PRELID2: variants seen among roughly 807,000 people sequenced by gnomAD.
PRELID2 encodes the protein PRELI domain containing 2, also known as PRELI domain-containing protein 2.
PRELID2 carries 25 observed loss-of-function variants against 28.4 expected under a neutral mutation model. That is an observed-to-expected ratio of 0.88 (90% confidence interval 0.64 to 1.23). PRELID2 has a LOEUF of 1.23. PRELID2 is among the 50% of genes most tolerant of loss of function. PRELID2 has a pLI of 0.00. For missense variants in PRELID2, 201 were observed against 214.4 expected (o/e 0.94, Z 0.39); for synonymous variants, 76 against 71.6 (o/e 1.06, Z -0.31).
At chr5:145,498,565 T>C (rs1206928135) in intron 1 of PRELID2, among the ~76,000 whole-genome samples, 1 of 152,140 alleles carries the variant, frequency 6.6e-6, no homozygotes, top group Non-Finnish European at 1.5e-5. Context: ...AGTCTCACTC[T>C]GTTGCCTAGG....
At chr5:145,447,493 T>G in the PRELID2 span, among the ~76,000 whole-genome samples, 7 of 148,034 alleles carry the variant, frequency 4.7e-5, no homozygotes, top group Non-Finnish European at 1.5e-5. Flanking sequence ...TATTATACTT[T>G]AAGTTTTAGG....
the PRELID2 span, among the ~76,000 whole-genome samples, chr5:145,265,618 G>C: frequency 6.6e-6 from 1 of 152,122 alleles, no homozygotes; most frequent in African/African-American, 2.4e-5. Flanking sequence ...TATAAAAATA[G>C]GCATATAGAC....
intron 1 of PRELID2, among the ~76,000 whole-genome samples, chr5:145,690,235 C>T (rs965325805): frequency 2.0e-5 from 3 of 152,090 alleles, no homozygotes; most frequent in Non-Finnish European, 4.4e-5. Flanking sequence ...TCAAGTGATC[C>T]ACCCACCTTG....
At chr5:145,685,214 C>A (rs1296634301) in intron 1 of PRELID2, among the ~76,000 whole-genome samples, 1 of 152,172 alleles carries the variant, frequency 6.6e-6, no homozygotes, top group East Asian at 1.9e-4. Flanking sequence ...CCTACCACTT[C>A]CCCACTTATG....
At chr5:145,645,608 G>A (rs1754184579) in intron 1 of PRELID2, among the ~76,000 whole-genome samples, 1 of 152,038 alleles carries the variant, frequency 6.6e-6, no homozygotes, top group Admixed American at 6.6e-5. Context: ...CCCGTTAGTT[G>A]ATGCAGTTTC....
chr5:145,521,964 G>A (rs1752566434), intron 1 of PRELID2, among the ~76,000 whole-genome samples: 1 of 152,052 alleles, frequency 6.6e-6, no homozygotes, highest in Non-Finnish European at 1.5e-5. Flanking sequence ...TTCTAATACA[G>A]CCTGTTTCTC....
At chr5:145,809,226 G>C (rs1482191593) in intron 4 of PRELID2, among the ~76,000 whole-genome samples, 2 of 152,074 alleles carry the variant, frequency 1.3e-5, no homozygotes, top group African/African-American at 4.8e-5. Flanking sequence ...ATTTTTAGTA[G>C]AGACAGGGTT....
the PRELID2 span, among the ~76,000 whole-genome samples, chr5:145,342,257 A>G: frequency 2.0e-5 from 3 of 152,196 alleles, no homozygotes; most frequent in African/African-American, 7.2e-5. Flanking sequence ...AAGGTTCAAA[A>G]GAGTCCCAAG....
At chr5:145,441,147 G>T in the PRELID2 span, 34 of 152,166 alleles carry the variant, frequency 2.2e-4, no homozygotes, top group African/African-American at 8.2e-4. Flanking sequence ...ATGACGCCTA[G>T]TTGTTCTTTG....
At chr5:145,280,135 G>C in the PRELID2 span, among the ~76,000 whole-genome samples, 1 of 152,212 alleles carries the variant, frequency 6.6e-6, no homozygotes, top group East Asian at 1.9e-4. Flanking sequence ...TGACAGATAG[G>C]GTTCAGGGGA....
At chr5:145,284,404 G>A in the PRELID2 span, among the ~76,000 whole-genome samples, 6 of 152,162 alleles carry the variant, frequency 3.9e-5, no homozygotes, top group African/African-American at 1.2e-4. Context: ...ATTTTTTGCC[G>A]TGACTCTTTT....
At chr5:145,253,829 TA>T in the PRELID2 span, among the ~76,000 whole-genome samples, 3 of 148,866 alleles carry the variant, frequency 2.0e-5, no homozygotes, top group Non-Finnish European at 4.4e-5. Context: ...GAGTGAGATC[TA>T]AAAAAAACAA....
the PRELID2 span, among the ~76,000 whole-genome samples, chr5:145,305,621 A>G: frequency 2.0e-5 from 3 of 152,154 alleles, no homozygotes; most frequent in African/African-American, 7.2e-5. Flanking sequence ...CTGTGGCCTC[A>G]TTCCCATCCA....
intron 1 of PRELID2, among the ~76,000 whole-genome samples, chr5:145,568,423 G>A (rs1441152282): frequency 6.6e-6 from 1 of 152,186 alleles, no homozygotes; most frequent in Non-Finnish European, 1.5e-5. Flanking sequence ...TCAATCACTG[G>A]AAGTCAATAA....
intron 1 of PRELID2, among the ~76,000 whole-genome samples, chr5:145,622,002 A>G (rs915689766): frequency 1.3e-5 from 2 of 152,182 alleles, no homozygotes; most frequent in African/African-American, 4.8e-5. Context: ...AAGAAAAAAA[A>G]CTACTGATAC....
At chr5:145,695,151 T>C (rs1451545791) in intron 1 of PRELID2, among the ~76,000 whole-genome samples, 1 of 152,088 alleles carries the variant, frequency 6.6e-6, no homozygotes, top group Non-Finnish European at 1.5e-5. Context: ...CCTAAGCATG[T>C]TGAAGGAAAC....
rs148939320 is a variant in PRELID2 at position 145,743,868 on chromosome 5, T to C, written n.70+21063A>G. 3.2e-3 allele frequency among the ~76,000 whole-genome samples: 494 copies of C among 152,306 alleles called. 3 individuals are homozygous for C. The highest frequency in any genetic ancestry group is 0.011 in the African/African-American group (472 of 41,558). ...TGCCTGCTGTCTAAGCCATTTGAGC[T>C]CCTTGGGGGAGGAGCAGTGGCCAGC... On this transcript the variant is annotated intron_variant and non_coding_transcript_variant, in intron 1 of 2. Transcript: ENST00000510259.
chr5:145,683,539 G>A (rs771814686), intron 1 of PRELID2, among the ~76,000 whole-genome samples: 11 of 152,066 alleles, frequency 7.2e-5, no homozygotes, highest in South Asian at 2.1e-4. Context: ...CCACCTTCTC[G>A]CTATGTCCTC....
intron 6 of PRELID2, among the ~76,000 whole-genome samples, chr5:145,761,362 A>G (rs1348962036): frequency 1.3e-5 from 2 of 152,196 alleles, no homozygotes; most frequent in Non-Finnish European, 2.9e-5. Flanking sequence ...AATTTTAGTG[A>G]CCACTGTTGC....
Sources: gnomAD v4.1 joint callset for allele counts (sites outside exome capture counted in the v4.1 genomes callset) on GRCh38, gnomAD v4.1.1 for gene constraint, MANE v1.5 for transcripts, NCBI Gene and HGNC (gene_info 2026-07-23, HGNC 2026-07-21) for gene names.